Variants in CTDSPL2 observed in about 807,000 individuals in gnomAD.
CTDSPL2 encodes the protein CTD small phosphatase like 2.
A neutral mutation model predicts 60.0 loss-of-function variants in CTDSPL2; 5 were observed. The ratio of observed to expected loss-of-function variants is 0.08; its 90% CI spans 0.04 to 0.18. CTDSPL2 has a LOEUF of 0.18. Among genes scored for constraint, CTDSPL2 ranks in the 10% least tolerant of loss-of-function variants. The pLI, the probability that CTDSPL2 is intolerant of heterozygous loss-of-function variation, is 1.00. For synonymous variants in CTDSPL2, 186 were observed against 189.3 expected (o/e 0.98, Z 0.14); for missense variants, 370 against 548.8 (o/e 0.67, Z 3.26).
At chr15:44,436,462 CTTTG>C (rs777502961) in intron 1 of CTDSPL2, among the ~76,000 whole-genome samples, 46 of 152,188 alleles carry the variant, frequency 3.0e-4, no homozygotes, top group Non-Finnish European at 4.6e-4. Context: ...TTTGACAGCT[CTTTG>C]TTTGTTTATT....
chr15:44,499,855 C>A, intron 8 of CTDSPL2, 42 bp downstream of exon 8: 1 of 1,109,726 alleles, frequency 9.0e-7, no homozygotes, highest in Non-Finnish European at 1.4e-6. Context: ...TGATAGGTAA[C>A]ATTCTGATAA....
chr15:44,430,065 T>C (rs911413497), intron 1 of CTDSPL2, among the ~76,000 whole-genome samples: 8 of 152,294 alleles, frequency 5.3e-5, no homozygotes, highest in African/African-American at 1.7e-4. Flanking sequence ...AAATTAAGAA[T>C]TGGGGAAGTC....
chr15:44,459,256 G>A lies in CTDSPL2; in HGVS notation c.186+56G>A, dbSNP rs1264710213. On this transcript the variant is annotated intron_variant, in intron 2 of 12. Coordinates refer to ENST00000260327, the MANE Select transcript of CTDSPL2 (RefSeq NM_016396.3). Reference sequence around the variant, plus strand: ...TTAAAAGTGAAAATTGGCCGGGCACGGTGGCTCACGCCTGTAATCCCAGCA... The same window carrying A: ...TTAAAAGTGAAAATTGGCCGGGCACAGTGGCTCACGCCTGTAATCCCAGCA... 27 of 1,331,208 alleles carry A rather than the reference G, an allele frequency of 2.0e-5. No homozygotes were observed. In the East Asian group the frequency reaches 3.8e-4, roughly 19 times the overall value. The allele number at this position is 1,331,208 out of a possible 1,614,324, so 82.5% of individuals were successfully genotyped here. A position where few individuals can be genotyped will look rare whatever the true frequency, so the allele number is the denominator to read the frequency against.
chr15:44,457,374 A>G (rs1192466622), intron 1 of CTDSPL2, among the ~76,000 whole-genome samples: 3 of 152,124 alleles, frequency 2.0e-5, no homozygotes, highest in African/African-American at 7.2e-5. Context: ...CACCTTGCAC[A>G]TCTATATTAT....
At chr15:44,451,536 A>C (rs1474861319) in intron 1 of CTDSPL2, among the ~76,000 whole-genome samples, 1 of 152,220 alleles carries the variant, frequency 6.6e-6, no homozygotes, top group Non-Finnish European at 1.5e-5. Flanking sequence ...AATTACATAT[A>C]TCTCTCACTG....
At chr15:44,481,880 AT>A (rs1204821022) in intron 2 of CTDSPL2, among the ~76,000 whole-genome samples, 1 of 152,054 alleles carries the variant, frequency 6.6e-6, no homozygotes, top group African/African-American at 2.4e-5. Context: ...GCCTATTTTT[AT>A]TTTTAATTAA....
chr15:44,451,996 C>T (rs1186687189), intron 1 of CTDSPL2, among the ~76,000 whole-genome samples: 1 of 152,002 alleles, frequency 6.6e-6, no homozygotes, highest in Non-Finnish European at 1.5e-5. Flanking sequence ...AAGAAACTGT[C>T]TTAAGGAAAG....
chr15:44,496,609 C>A, intron 6 of CTDSPL2, 151 bp downstream of exon 6: 1 of 626,568 alleles, frequency 1.6e-6, no homozygotes, highest in Non-Finnish European at 2.8e-6. Flanking sequence ...AGTGGCTCAT[C>A]CCAGCACTTT....
At chr15:44,495,393 T>C (rs1430417031) in intron 5 of CTDSPL2, among the ~76,000 whole-genome samples, 3 of 151,902 alleles carry the variant, frequency 2.0e-5, no homozygotes, top group Admixed American at 2.0e-4. Context: ...GCATCCTAGC[T>C]AACACTGTGA....
At chr15:44,495,771 C>CA (rs1203283741) in intron 5 of CTDSPL2, among the ~76,000 whole-genome samples, 2 of 149,730 alleles carry the variant, frequency 1.3e-5, no homozygotes, top group Non-Finnish European at 1.5e-5. Flanking sequence ...CAGTCTCTAC[C>CA]AAAAATACAA....
chr15:44,453,395 GAT>G (rs2080368891), intron 1 of CTDSPL2, among the ~76,000 whole-genome samples: 1 of 151,994 alleles, frequency 6.6e-6, no homozygotes, highest in Non-Finnish European at 1.5e-5. Context: ...TAATTGAGAT[GAT>G]CATGTGGATT....
intron 10 of CTDSPL2, among the ~76,000 whole-genome samples, chr15:44,515,434 A>G (rs2140866602): frequency 6.6e-6 from 1 of 152,276 alleles, no homozygotes; most frequent in Admixed American, 6.5e-5. Flanking sequence ...TGATTTTAAA[A>G]TATTATGATA....
At chr15:44,502,123 G>T in intron 8 of CTDSPL2, 1 of 258,392 alleles carries the variant, frequency 3.9e-6, no homozygotes, top group Non-Finnish European at 7.8e-6. Context: ...GTAAAGTACT[G>T]CATATACTCT....
At chr15:44,440,728 C>T (rs2080068435) in intron 1 of CTDSPL2, among the ~76,000 whole-genome samples, 1 of 151,538 alleles carries the variant, frequency 6.6e-6, no homozygotes, top group South Asian at 2.1e-4. Context: ...TAATTTATTC[C>T]TTTTTTGTGT....
chr15:44,435,731 T>G (rs2141264508), intron 1 of CTDSPL2, among the ~76,000 whole-genome samples: 1 of 151,046 alleles, frequency 6.6e-6, no homozygotes, highest in East Asian at 2.0e-4. Context: ...CTCAGCCTCT[T>G]GAGTAGCTGG....
At chr15:44,492,884 C>G (rs893648143) in intron 5 of CTDSPL2, among the ~76,000 whole-genome samples, 1 of 152,142 alleles carries the variant, frequency 6.6e-6, no homozygotes, top group African/African-American at 2.4e-5. Flanking sequence ...AAAGTATAGA[C>G]TAAAGTTCAG....
chr15:44,526,428 ATCT>A lies in CTDSPL2; in HGVS notation c.*2256_*2258del, dbSNP rs1160077424. On this transcript the variant is annotated 3_prime_UTR_variant, in exon 13 of 13. Transcript: ENST00000260327. Reference sequence around the variant, plus strand: ...TAAAAACCAACTTTTTAAACTAATCATCTTTTATCAATGATAAAGTTGTTTTCA... The same window carrying A: ...TAAAAACCAACTTTTTAAACTAATCATTTATCAATGATAAAGTTGTTTTCA... 6.6e-6 allele frequency: 1 copy of A among 152,130 alleles called. No individual in the cohort carries two copies. The highest frequency in any genetic ancestry group is 2.4e-5 in the African/African-American group (1 of 41,450). 9.4% of individuals were successfully genotyped at this position (152,130 alleles called of 1,614,324 possible).
intron 10 of CTDSPL2, among the ~76,000 whole-genome samples, chr15:44,515,733 C>T (rs866784135): frequency 5.3e-5 from 8 of 151,966 alleles, no homozygotes; most frequent in East Asian, 1.9e-4. Flanking sequence ...TTTAGGTGGG[C>T]GTGGTGGCGC....
intron 1 of CTDSPL2, among the ~76,000 whole-genome samples, chr15:44,444,809 A>G (rs1262385608): frequency 2.3e-5 from 3 of 132,226 alleles, no homozygotes; most frequent in Non-Finnish European, 4.7e-5. Flanking sequence ...GGGTACAGAT[A>G]GGCCTGGTGT....
Sources: allele counts gnomAD v4.1 joint callset (sites outside exome capture counted in the v4.1 genomes callset), GRCh38; gene constraint gnomAD v4.1.1; transcripts MANE v1.5; gene names NCBI Gene and HGNC (gene_info 2026-07-23, HGNC 2026-07-21).